The following JAZF1 variants were observed in gnomAD, a reference collection of about 807,000 sequenced individuals.
JAZF1 encodes the protein JAZF zinc finger 1, also known as juxtaposed with another zinc finger protein 1.
A neutral mutation model predicts 26.4 loss-of-function variants in JAZF1; 8 were observed. The ratio of observed to expected loss-of-function variants is 0.30; its 90% CI spans 0.18 to 0.55. The LOEUF (loss-of-function observed/expected upper bound fraction) is 0.55, where lower values mean the gene tolerates loss of function less well. JAZF1 is among the 20% of genes least tolerant of loss of function. JAZF1 has a pLI of 0.94. For synonymous variants in JAZF1, 126 were observed against 122.3 expected, an observed-to-expected ratio of 1.03 and a Z score of -0.20; for missense variants, 199 against 322.0, an observed-to-expected ratio of 0.62 and a Z score of 2.92.
At chr7:27,892,290 G>A (rs1308572301) in intron 3 of JAZF1, among the ~76,000 whole-genome samples, 1 of 152,210 alleles carries the variant, frequency 6.6e-6, no homozygotes, top group Non-Finnish European at 1.5e-5. Context: ...TTGACAGACT[G>A]AAAATGATAC....
Position 28,090,842 on chromosome 7 carries a change from C to T in JAZF1, c.115+89621G>A, listed in dbSNP as rs1037284725. Among the ~76,000 whole-genome samples the T allele has an allele frequency of 1.4e-4, 16 of 113,390 alleles. No individual in the cohort carries two copies. The East Asian group carries it at 2.1e-3, about 15-fold the overall frequency. 74.4% of individuals were successfully genotyped at this position (113,390 alleles called of 152,430 possible). The stretch of plus-strand genomic sequence containing the variant: ...GTTTTTTTTTTTTTTTTTTTTGAGA[C>T]GGAGTCTCGCTCTGTCACCCAGGCC... On this transcript the variant is annotated intron_variant, in intron 1 of 4. Transcript: ENST00000283928.
chr7:27,919,020 A>C (rs1243448810), intron 2 of JAZF1, among the ~76,000 whole-genome samples: 1 of 152,224 alleles, frequency 6.6e-6, no homozygotes, highest in East Asian at 1.9e-4. Context: ...GCTTTCAAGC[A>C]TGCAAAGTAT....
chr7:27,839,164 T>C (rs1782876007), intron 4 of JAZF1, among the ~76,000 whole-genome samples: 1 of 152,196 alleles, frequency 6.6e-6, no homozygotes, highest in African/African-American at 2.4e-5. Context: ...AGGGCGTAGC[T>C]TGTATTTCCT....
intron 2 of JAZF1, among the ~76,000 whole-genome samples, chr7:27,988,348 C>T (rs1315781677): frequency 1.3e-5 from 2 of 151,884 alleles, no homozygotes; most frequent in East Asian, 1.9e-4. Flanking sequence ...CACATCTCTA[C>T]ATTTTCCCCC....
chr7:27,832,836 C>CGGG lies in JAZF1; in HGVS notation c.693_695dup (p.Pro232dup). On this transcript the variant is annotated inframe_insertion, in exon 5 of 5. Transcript: ENST00000283928. Reference sequence around the variant, plus strand: ...TCTTCCTGATAATCTCAGCCGACACCGGGGGATGGAAATTGATTGTGTGGT... The same window carrying CGGG: ...TCTTCCTGATAATCTCAGCCGACACCGGGGGGGGATGGAAATTGATTGTGTGGT... 1 of 1,607,000 alleles carries CGGG rather than the reference C, an allele frequency of 6.2e-7. No homozygotes were observed. Among genetic ancestry groups the CGGG allele is most frequent in the South Asian group, 1.1e-5 (1 of 90,186 alleles).
intron 2 of JAZF1, among the ~76,000 whole-genome samples, chr7:27,969,085 T>C (rs1355612853): frequency 1.3e-5 from 2 of 152,206 alleles, no homozygotes; most frequent in African/African-American, 2.4e-5. Flanking sequence ...GTCTGGTCAA[T>C]AGGCAAACTT....
At chr7:27,837,652 G>A (rs1295672661) in intron 4 of JAZF1, among the ~76,000 whole-genome samples, 1 of 152,320 alleles carries the variant, frequency 6.6e-6, no homozygotes, top group African/African-American at 2.4e-5. Context: ...GGTCCCAGAG[G>A]TGGAGGCACT....
intron 1 of JAZF1, among the ~76,000 whole-genome samples, chr7:28,019,915 G>A (rs890536378): frequency 6.6e-6 from 1 of 152,048 alleles, no homozygotes; most frequent in Non-Finnish European, 1.5e-5. Flanking sequence ...TTAACTAGTT[G>A]TAGGAAAGGT....
intron 1 of JAZF1, chr7:28,020,427 G>A (rs1312953467): frequency 5.4e-6 from 2 of 371,090 alleles, no homozygotes; most frequent in African/African-American, 4.2e-5. Context: ...GCTGCAGAAG[G>A]AAACAAACGA....
At chr7:28,007,747 T>C (rs547084301) in intron 1 of JAZF1, among the ~76,000 whole-genome samples, 1 of 152,296 alleles carries the variant, frequency 6.6e-6, no homozygotes, top group Admixed American at 6.5e-5. Context: ...TTTCCCTTTT[T>C]TAAAAAGACT....
chr7:27,921,156 A>G (rs770428917), intron 2 of JAZF1, among the ~76,000 whole-genome samples: 2 of 152,206 alleles, frequency 1.3e-5, no homozygotes, highest in Non-Finnish European at 2.9e-5. Context: ...TATGTGAACT[A>G]GCTGTAGGCT....
chr7:28,150,917 C>A (rs995002487), intron 1 of JAZF1, among the ~76,000 whole-genome samples: 1 of 152,028 alleles, frequency 6.6e-6, no homozygotes, highest in Non-Finnish European at 1.5e-5. Context: ...CGATAGGTAA[C>A]GCCATTAAAA....
At chr7:27,949,344 C>T (rs963733179) in intron 2 of JAZF1, among the ~76,000 whole-genome samples, 12 of 152,132 alleles carry the variant, frequency 7.9e-5, no homozygotes, top group African/African-American at 2.4e-4. Flanking sequence ...CCTGTCATTC[C>T]CCAGTGTTTT....
At chr7:27,930,510 T>C (rs1051418761) in intron 2 of JAZF1, among the ~76,000 whole-genome samples, 3 of 152,176 alleles carry the variant, frequency 2.0e-5, no homozygotes, top group Admixed American at 6.5e-5. Context: ...ACATTTCAAG[T>C]GGTCACACTG....
At chr7:28,079,191 C>T (rs1784098677) in intron 1 of JAZF1, among the ~76,000 whole-genome samples, 1 of 152,090 alleles carries the variant, frequency 6.6e-6, no homozygotes, top group Non-Finnish European at 1.5e-5. Flanking sequence ...CAGGGTTTCA[C>T]CAAGTTGGGC....
In JAZF1 at chr7:28,132,524, T is replaced by A. The variant is rs116167635; in HGVS notation, c.115+47939A>T. Among the ~76,000 whole-genome samples, 378 of 152,210 alleles carry A rather than the reference T, an allele frequency of 2.5e-3. 2 individuals are homozygous for A. The highest frequency in any genetic ancestry group is 8.5e-3 in the African/African-American group (355 of 41,524). ...TGGTAAGGAGAGGATTAAATAGAAGTTATAAAGTGAAATTATTGCGACGGC... is the reference window on the plus strand; with the variant it reads ...TGGTAAGGAGAGGATTAAATAGAAGATATAAAGTGAAATTATTGCGACGGC... On this transcript the variant is annotated intron_variant, in intron 1 of 4. Coordinates refer to ENST00000283928, the MANE Select transcript of JAZF1 (RefSeq NM_175061.4).
At chr7:27,833,633 G>A (rs1027026104) in intron 4 of JAZF1, among the ~76,000 whole-genome samples, 2 of 152,128 alleles carry the variant, frequency 1.3e-5, no homozygotes, top group African/African-American at 2.4e-5. Context: ...CTTACCTTAA[G>A]TATTACATTC....
chr7:27,830,844 G>GTAAA lies in JAZF1; in HGVS notation c.*1952_*1955dup. The GTAAA allele has an allele frequency of 4.8e-6, 1 of 209,598 alleles. No homozygotes were observed. Among genetic ancestry groups the GTAAA allele is most frequent in the East Asian group, 7.3e-5 (1 of 13,734 alleles). 13.0% of individuals were successfully genotyped at this position (209,598 alleles called of 1,614,324 possible). On this transcript the variant is annotated 3_prime_UTR_variant, in exon 5 of 5. Coordinates refer to ENST00000283928, the MANE Select transcript of JAZF1 (RefSeq NM_175061.4). ...TTAGTAATACTGTCACAATGAATAA[G>GTAAA]TAAATAGAAATTGGAATTTATCTTT...
intron 3 of JAZF1, among the ~76,000 whole-genome samples, chr7:27,883,094 G>C (rs2128339844): frequency 6.6e-6 from 1 of 152,318 alleles, no homozygotes; most frequent in South Asian, 2.1e-4. Flanking sequence ...ATGGATGTTG[G>C]CATATGAGTG....
Sources: gnomAD v4.1 joint callset for allele counts (sites outside exome capture counted in the v4.1 genomes callset) on GRCh38, gnomAD v4.1.1 for gene constraint, MANE v1.5 for transcripts, NCBI Gene and HGNC (gene_info 2026-07-23, HGNC 2026-07-21) for gene names.